Variants in PRKAR1A observed in about 807,000 individuals in gnomAD.
PRKAR1A encodes the protein protein kinase cAMP-dependent type I regulatory subunit alpha.
PRKAR1A carries 3 observed loss-of-function variants against 52.0 expected under a neutral mutation model. The ratio of observed to expected loss-of-function variants is 0.06; its 90% confidence interval spans 0.03 to 0.15. PRKAR1A has a LOEUF of 0.15. PRKAR1A is among the 10% of genes least tolerant of loss of function. The probability of loss-of-function intolerance (pLI) is 1.00; values close to 1 mark genes in which losing one functional copy is unlikely to be tolerated. For synonymous variants in PRKAR1A, 188 were observed against 168.4 expected (o/e 1.12, Z -0.90); for missense variants, 240 against 477.4 (o/e 0.50, Z 4.63).
At chr17:68,509,633 A>G, upstream of PRKAR1A, among the ~76,000 whole-genome samples, 1 of 152,224 alleles carries the variant, frequency 6.6e-6, no homozygotes. Flanking sequence ...TTTCTGAAAC[A>G]TAATTTACGA....
the PRKAR1A span, among the ~76,000 whole-genome samples, chr17:68,498,688 G>T: frequency 6.6e-6 from 1 of 152,190 alleles, no homozygotes; most frequent in Non-Finnish European, 1.5e-5. Flanking sequence ...CCTGGCAATT[G>T]GCCCTAGTTC....
the PRKAR1A span, chr17:68,426,176 C>A: frequency 5.0e-6 from 8 of 1,594,404 alleles, no homozygotes; most frequent in Non-Finnish European, 6.8e-6. Context: ...TCAGAATAAC[C>A]TGGAAACCAA....
chr17:68,430,044 G>A, the PRKAR1A span: 20 of 1,614,132 alleles, frequency 1.2e-5, no homozygotes, highest in African/African-American at 2.3e-4. Flanking sequence ...CAAGCGTGCA[G>A]TGGCAAAAGC....
chr17:68,498,446 C>A, the PRKAR1A span, among the ~76,000 whole-genome samples: 1 of 151,936 alleles, frequency 6.6e-6, no homozygotes, highest in East Asian at 1.9e-4. Context: ...TTTGTGAATA[C>A]GTGTGGGTAT....
At chr17:68,525,088 G>A in intron 6 of PRKAR1A, 130 bp downstream of exon 6, 1 of 762,844 alleles carries the variant, frequency 1.3e-6, no homozygotes, top group Non-Finnish European at 2.2e-6. Context: ...AATACCTTTT[G>A]CCAAGTATTT....
the PRKAR1A span, chr17:68,420,304 G>A: frequency 7.5e-5 from 121 of 1,614,060 alleles, no homozygotes; most frequent in African/African-American, 2.1e-4. Flanking sequence ...GAGGTGGTGC[G>A]GAGTACCAGG....
At chr17:68,426,261 T>TAA in the PRKAR1A span, 1 of 934,766 alleles carries the variant, frequency 1.1e-6, no homozygotes, top group African/African-American at 1.7e-5. Context: ...GGGGCTCAAA[T>TAA]AAAGGGCAAA....
the PRKAR1A span, among the ~76,000 whole-genome samples, chr17:68,464,706 AAC>A: frequency 6.8e-6 from 1 of 146,524 alleles, no homozygotes; most frequent in African/African-American, 2.6e-5. Flanking sequence ...AAACAAAAAA[AAC>A]AAAAAAAACA....
chr17:68,506,024 A>G, the PRKAR1A span, among the ~76,000 whole-genome samples: 3 of 152,204 alleles, frequency 2.0e-5, no homozygotes, highest in South Asian at 2.1e-4. Context: ...TCAATTTCAA[A>G]TTCAGTGTTC....
chr17:68,537,566 T>C, downstream of PRKAR1A: 2 of 1,613,476 alleles, frequency 1.2e-6, no homozygotes, highest in Non-Finnish European at 1.7e-6. The surrounding 1 kb of genome is among the most constrained non-coding windows in gnomAD (Gnocchi z 4.2). Context: ...TGGGCCACTA[T>C]GCACCCCTCC....
chr17:68,542,105 C>T (rs755855127), intron 11 of PRKAR1A: 3 of 1,614,114 alleles, frequency 1.9e-6, no homozygotes, highest in South Asian at 1.1e-5. Context: ...TGGGTTGCCA[C>T]AGACAGCATA....
At chr17:68,437,082 C>T in the PRKAR1A span, among the ~76,000 whole-genome samples, 26 of 151,270 alleles carry the variant, frequency 1.7e-4, no homozygotes, top group Non-Finnish European at 3.1e-4. Flanking sequence ...TCTGAAACAG[C>T]ATCTACTTTT....
chr17:68,545,718 A>G (rs1405414767), intron 11 of PRKAR1A, among the ~76,000 whole-genome samples: 2 of 152,240 alleles, frequency 1.3e-5, no homozygotes, highest in African/African-American at 4.8e-5. Flanking sequence ...ACTTCTGTCA[A>G]AATTGAAGTC....
At chr17:68,434,548 A>C in the PRKAR1A span, 1 of 1,613,854 alleles carries the variant, frequency 6.2e-7, no homozygotes, top group East Asian at 2.2e-5. Context: ...TTGACATTGA[A>C]CACAGACCTT....
At chr17:68,441,241 C>G in the PRKAR1A span, 2 of 152,204 alleles carry the variant, frequency 1.3e-5, no homozygotes, top group African/African-American at 4.8e-5. Context: ...AGGAAACAGC[C>G]TGCAATCTCT....
the PRKAR1A span, among the ~76,000 whole-genome samples, chr17:68,473,706 A>G: frequency 1.3e-5 from 2 of 152,118 alleles, no homozygotes; most frequent in Non-Finnish European, 2.9e-5. Flanking sequence ...TACTTTTACT[A>G]GAGACGGGGT....
intron 3 of PRKAR1A, 120 bp downstream of exon 3, chr17:68,523,046 C>A: frequency 8.1e-7 from 1 of 1,236,980 alleles, no homozygotes; most frequent in Non-Finnish European, 1.1e-6. Flanking sequence ...CCATCCTGTA[C>A]AATTCTTGGG....
intron 2 of PRKAR1A, among the ~76,000 whole-genome samples, chr17:68,517,838 G>A (rs1205382872): frequency 6.6e-6 from 1 of 152,164 alleles, no homozygotes; most frequent in African/African-American, 2.4e-5. Context: ...TCTCATCTGA[G>A]GCAAGGCAAG....
At chr17:68,478,191 T>C in the PRKAR1A span, among the ~76,000 whole-genome samples, 1 of 152,176 alleles carries the variant, frequency 6.6e-6, no homozygotes, top group Non-Finnish European at 1.5e-5. Context: ...TGGTGGCTCA[T>C]GCCTGTATTC....
Sources: gnomAD v4.1 joint callset for allele counts (sites outside exome capture counted in the v4.1 genomes callset) on GRCh38, gnomAD v4.1.1 for gene constraint, Gnocchi (gnomAD v3.1) non-coding constraint, MANE v1.5 for transcripts, NCBI Gene and HGNC (gene_info 2026-07-23, HGNC 2026-07-21) for gene names.